KALRN: variants seen among roughly 807,000 people sequenced by gnomAD.
The protein encoded by KALRN is kalirin.
KALRN carries 70 observed loss-of-function variants against 353.7 expected under a neutral mutation model. The observed-to-expected ratio is 0.20, with a 90% CI of 0.16 to 0.24. KALRN has a LOEUF of 0.24. Ranked by LOEUF, KALRN falls within the 10% of genes least tolerant of loss-of-function variation. The pLI, the probability that KALRN is intolerant of heterozygous loss-of-function variation, is 1.00. For missense variants in KALRN, 2,791 were observed against 3,756.7 expected (o/e 0.74, Z 6.72); for synonymous variants, 1,391 against 1,434.8 (o/e 0.97, Z 0.69).
chr3:124,270,890 C>T (rs1274480739), intron 5 of KALRN, among the ~76,000 whole-genome samples: 1 of 137,042 alleles, frequency 7.3e-6, no homozygotes, highest in Non-Finnish European at 1.5e-5. Context: ...AGTGCAGTGG[C>T]ACCATCTCAG....
intron 1 of KALRN, among the ~76,000 whole-genome samples, chr3:124,151,068 A>T (rs913892976): frequency 6.6e-6 from 1 of 152,178 alleles, no homozygotes; most frequent in African/African-American, 2.4e-5. Context: ...AATATGCCAC[A>T]ATTTATCCAT....
intron 34 of KALRN, among the ~76,000 whole-genome samples, chr3:124,622,525 A>G (rs1442358140): frequency 6.6e-6 from 1 of 152,202 alleles, no homozygotes; most frequent in Admixed American, 6.5e-5. Flanking sequence ...CAATGTAGAA[A>G]ATAGTGAGCC....
Position 124,658,420 on chromosome 3 carries a change from T to C in KALRN, c.6037-11T>C. 1 of 1,604,718 alleles carries C rather than the reference T, an allele frequency of 6.2e-7. No individual in the cohort carries two copies. The highest frequency in any genetic ancestry group is 8.5e-7 in the Non-Finnish European group (1 of 1,171,380). ...GCCTGACTGTCCACATGTCTCTCTC[T>C]GCTCTTTCAGGAGCGGAAGCTGCAC... On this transcript the variant is annotated splice_polypyrimidine_tract_variant and intron_variant, in intron 41 of 59. Transcript: ENST00000682506.
At chr3:124,512,464 A>G (rs1216461988) in intron 33 of KALRN, among the ~76,000 whole-genome samples, 1 of 152,200 alleles carries the variant, frequency 6.6e-6, no homozygotes, top group Non-Finnish European at 1.5e-5. Context: ...AGCCTGGCCA[A>G]CGTGGTGAAA....
chr3:124,639,546 G>T lies in KALRN; in HGVS notation c.5664+2243G>T, dbSNP rs184052959. 7.9e-5 allele frequency among the ~76,000 whole-genome samples: 12 copies of T among 152,194 alleles called. No homozygotes were observed. The East Asian group carries it at 2.3e-3, about 29-fold the overall frequency. On this transcript the variant is annotated intron_variant, in intron 37 of 59. Transcript: ENST00000682506. Reference sequence around the variant, plus strand: ...GATTACCTTTTTGCCCACTACTACTGCTAAGCTTTGCACTGCTGACAGTCT... The same window carrying T: ...GATTACCTTTTTGCCCACTACTACTTCTAAGCTTTGCACTGCTGACAGTCT...
At position 124,556,297 on chromosome 3, in the gene KALRN, T is replaced by C. The variant is rs139868789; in HGVS notation, c.4936-6546T>C. 7.8e-3 allele frequency among the ~76,000 whole-genome samples: 1,187 copies of C among 152,332 alleles called. 31 individuals carry two copies. The highest frequency in any genetic ancestry group is 6.6e-3 in the Non-Finnish European group (450 of 68,040). On this transcript the variant is annotated intron_variant, in intron 33 of 59. Transcript: ENST00000682506. ...AAGTAAATTGTAAGCTTTAGCCTCT[T>C]AATTGGACCTGGCAGCTCCATGGGC...
At chr3:124,296,944 C>T (rs2076895680) in intron 5 of KALRN, among the ~76,000 whole-genome samples, 1 of 152,220 alleles carries the variant, frequency 6.6e-6, no homozygotes, top group African/African-American at 2.4e-5. Flanking sequence ...TTCTGTGCTC[C>T]CTCAACAGCC....
intron 56 of KALRN, 99 bp from the exon 57 acceptor site, chr3:124,701,939 A>G (rs2062361564): frequency 1.2e-6 from 1 of 834,190 alleles, no homozygotes; most frequent in African/African-American, 1.7e-5. Context: ...TTTGGTCATG[A>G]GAATTGCTTT....
chr3:124,351,947 C>T (rs2082875826), intron 10 of KALRN, among the ~76,000 whole-genome samples: 1 of 152,144 alleles, frequency 6.6e-6, no homozygotes, highest in Admixed American at 6.5e-5. Context: ...ATGACAGCCT[C>T]CCTAGAGAGG....
intron 53 of KALRN, 134 bp from the exon 54 acceptor site, chr3:124,696,000 C>T: frequency 2.5e-6 from 2 of 811,006 alleles, no homozygotes; most frequent in Non-Finnish European, 3.9e-6. Context: ...TGGTAGGTAG[C>T]TCACAGACCA....
At chr3:124,169,754 A>C (rs1305527580) in intron 1 of KALRN, among the ~76,000 whole-genome samples, 1 of 152,172 alleles carries the variant, frequency 6.6e-6, no homozygotes, top group East Asian at 1.9e-4. Context: ...GTTATTATCA[A>C]CAGTGGGCAA....
intron 17 of KALRN, among the ~76,000 whole-genome samples, chr3:124,435,124 G>C (rs2093416900): frequency 6.6e-6 from 1 of 152,226 alleles, no homozygotes; most frequent in Non-Finnish European, 1.5e-5. Context: ...GCTAAAATAA[G>C]TCACATGGCC....
chr3:124,636,174 G>A (rs571906425), intron 36 of KALRN, among the ~76,000 whole-genome samples: 2 of 152,288 alleles, frequency 1.3e-5, no homozygotes, highest in African/African-American at 4.8e-5. Flanking sequence ...TAGATGAGAA[G>A]CTTCATTTTT....
At chr3:124,066,054 G>A (rs1459384413) in intron 1 of KALRN, among the ~76,000 whole-genome samples, 1 of 152,152 alleles carries the variant, frequency 6.6e-6, no homozygotes, top group Non-Finnish European at 1.5e-5. Context: ...TCCCTGGGAG[G>A]GTGGCCTGAG....
At chr3:124,277,996 A>ACGTGTGTGTG (rs2074937479) in intron 5 of KALRN, among the ~76,000 whole-genome samples, 1 of 146,116 alleles carries the variant, frequency 6.8e-6, no homozygotes, top group Non-Finnish European at 1.5e-5. Flanking sequence ...GAGATGAACT[A>ACGTGTGTGTG]TGTGTGTGTG....
At chr3:124,139,354 A>G (rs554715774) in intron 1 of KALRN, among the ~76,000 whole-genome samples, 6 of 152,224 alleles carry the variant, frequency 3.9e-5, no homozygotes, top group Non-Finnish European at 8.8e-5. Context: ...ACAGAACAAA[A>G]TACTACATCT....
At chr3:124,406,982 C>T (rs1021286724) in intron 13 of KALRN, among the ~76,000 whole-genome samples, 4 of 151,756 alleles carry the variant, frequency 2.6e-5, no homozygotes, top group Non-Finnish European at 4.4e-5. Flanking sequence ...TACAGGTATG[C>T]GCCACCACGC....
At chr3:124,070,170 T>C (rs531866323) in intron 1 of KALRN, among the ~76,000 whole-genome samples, 1 of 152,346 alleles carries the variant, frequency 6.6e-6, no homozygotes, top group South Asian at 2.1e-4. Context: ...GGACTTGCTC[T>C]CTAACGCTTA....
chr3:124,365,188 G>A (rs1274126348), intron 10 of KALRN, among the ~76,000 whole-genome samples: 1 of 152,068 alleles, frequency 6.6e-6, no homozygotes, highest in Non-Finnish European at 1.5e-5. Context: ...TGTTTTTATT[G>A]ATGATGAACT....
Sources: gnomAD v4.1 joint callset for allele counts (sites outside exome capture counted in the v4.1 genomes callset) on GRCh38, gnomAD v4.1.1 for gene constraint, MANE v1.5 for transcripts, NCBI Gene and HGNC (gene_info 2026-07-23, HGNC 2026-07-21) for gene names.